Variants in ADAM10 observed in about 807,000 individuals in gnomAD.
ADAM10 encodes the protein disintegrin and metalloproteinase domain-containing protein 10.
In ADAM10, 17 loss-of-function variants were observed where a neutral mutation model predicts 90.1. The ratio of observed to expected loss-of-function variants is 0.19; its 90% CI spans 0.13 to 0.28. The LOEUF (loss-of-function observed/expected upper bound fraction) is 0.28. Among genes scored for constraint, ADAM10 ranks in the 10% least tolerant of loss-of-function variants. The pLI is 1.00. For missense variants in ADAM10, 610 were observed against 914.3 expected (o/e 0.67, Z 4.29); for synonymous variants, 310 against 298.6 (o/e 1.04, Z -0.40).
chr15:58,710,732 G>A (rs1898447289), intron 2 of ADAM10, among the ~76,000 whole-genome samples: 1 of 152,016 alleles, frequency 6.6e-6, no homozygotes, highest in African/African-American at 2.4e-5. Context: ...TTAAATTTTT[G>A]TTTTTAAACA....
At chr15:58,620,987 G>T (rs1352123863) in intron 11 of ADAM10, among the ~76,000 whole-genome samples, 2 of 151,724 alleles carry the variant, frequency 1.3e-5, no homozygotes, top group Non-Finnish European at 2.9e-5. Flanking sequence ...TATTTTTTAG[G>T]ATTCTTTTTA....
chr15:58,716,310 C>T (rs1425450614), intron 2 of ADAM10, among the ~76,000 whole-genome samples: 7 of 151,982 alleles, frequency 4.6e-5, no homozygotes, highest in Non-Finnish European at 7.4e-5. Flanking sequence ...ACAGAAAACA[C>T]GGTTATGGAA....
intron 2 of ADAM10, among the ~76,000 whole-genome samples, chr15:58,697,669 C>A (rs143323329): frequency 6.6e-6 from 1 of 152,116 alleles, no homozygotes; most frequent in African/African-American, 2.4e-5. Flanking sequence ...ATGCCACATA[C>A]GCTGCCCAGG....
chr15:58,614,546 A>C (rs540702627), intron 11 of ADAM10, among the ~76,000 whole-genome samples: 2 of 152,312 alleles, frequency 1.3e-5, no homozygotes, highest in East Asian at 3.9e-4. Flanking sequence ...CTGAAAGAAA[A>C]AACAAATTGG....
At chr15:58,681,368 A>T (rs1897435980) in intron 3 of ADAM10, among the ~76,000 whole-genome samples, 1 of 152,238 alleles carries the variant, frequency 6.6e-6, no homozygotes, top group South Asian at 2.1e-4. Context: ...AGAAAGTTTA[A>T]GTATAGAAAT....
At chr15:58,610,020 C>A in intron 14 of ADAM10, 1 of 400,442 alleles carries the variant, frequency 2.5e-6, no homozygotes, top group Non-Finnish European at 4.5e-6. Context: ...TAATAATATG[C>A]ACCAAAAGAA....
At chr15:58,604,318 G>A (rs1007032170) in intron 14 of ADAM10, among the ~76,000 whole-genome samples, 4 of 152,122 alleles carry the variant, frequency 2.6e-5, no homozygotes, top group Admixed American at 6.5e-5. Context: ...CCGAGATTAC[G>A]CCACTGCACT....
intron 2 of ADAM10, chr15:58,691,722 C>T (rs547392378): frequency 1.2e-5 from 4 of 328,374 alleles, no homozygotes; most frequent in East Asian, 8.0e-5. Context: ...CTTCTTCTGT[C>T]GCCCAGGCTT....
chr15:58,631,117 C>A (rs746566284), intron 9 of ADAM10, among the ~76,000 whole-genome samples: 10 of 152,162 alleles, frequency 6.6e-5, no homozygotes, highest in Non-Finnish European at 1.5e-4. Context: ...ACCTGTTGCC[C>A]TCCATCATAA....
chr15:58,675,861 C>T (rs1897293865), intron 4 of ADAM10, among the ~76,000 whole-genome samples: 1 of 152,066 alleles, frequency 6.6e-6, no homozygotes, highest in Non-Finnish European at 1.5e-5. Flanking sequence ...AAGGTATATC[C>T]AAGGTTAGTA....
chr15:58,694,381 G>A (rs1897915029), intron 2 of ADAM10, among the ~76,000 whole-genome samples: 1 of 151,926 alleles, frequency 6.6e-6, no homozygotes, highest in Non-Finnish European at 1.5e-5. Context: ...AACCCAGGAG[G>A]AGGAGGTTGC....
At chr15:58,717,409 C>A (rs1419984903) in intron 2 of ADAM10, among the ~76,000 whole-genome samples, 168 bp downstream of exon 2, 3 of 152,054 alleles carry the variant, frequency 2.0e-5, no homozygotes, top group Non-Finnish European at 4.4e-5. Flanking sequence ...AAGGGCAATC[C>A]ATTTTAAAAT....
chr15:58,601,924 G>A (rs905201567), intron 14 of ADAM10, among the ~76,000 whole-genome samples: 17 of 152,120 alleles, frequency 1.1e-4, no homozygotes, highest in African/African-American at 3.9e-4. Context: ...CTGTGTTCTC[G>A]CTGCATCCTA....
chr15:58,686,430 C>T (rs1240536999), intron 2 of ADAM10: 10 of 1,343,758 alleles, frequency 7.4e-6, no homozygotes, highest in Middle Eastern at 1.8e-4. Context: ...GGGGCTAGCG[C>T]GAGCGCCCTG....
chr15:58,608,546 T>C (rs959387660), intron 14 of ADAM10, among the ~76,000 whole-genome samples: 20 of 152,214 alleles, frequency 1.3e-4, no homozygotes, highest in African/African-American at 4.8e-4. Flanking sequence ...GACTGGCATA[T>C]GCCTGTCAAC....
At position 58,597,101 on chromosome 15, in the gene ADAM10, A is replaced by C; in HGVS notation, c.*446T>G. ...TAAGAAATACATGTCTGCATATAAC[A>C]AGGTATGTACATTGGCAAGTGATGT... On this transcript the variant is annotated 3_prime_UTR_variant, in exon 16 of 16. Coordinates refer to ENST00000260408, the MANE Select transcript of ADAM10 (RefSeq NM_001110.4). The C allele has an allele frequency of 3.0e-6, 1 of 329,528 alleles. No homozygotes were observed. The allele number at this position is 329,528 out of a possible 1,614,324, so 20.4% of individuals were successfully genotyped here.
At chr15:58,714,605 C>T (rs1314000330) in intron 2 of ADAM10, among the ~76,000 whole-genome samples, 1 of 151,908 alleles carries the variant, frequency 6.6e-6, no homozygotes, top group African/African-American at 2.4e-5. Flanking sequence ...CAAGATAGTA[C>T]ACATCTTATA....
At chr15:58,718,077 G>C (rs1007122077) in intron 1 of ADAM10, among the ~76,000 whole-genome samples, 1 of 151,966 alleles carries the variant, frequency 6.6e-6, no homozygotes, top group Non-Finnish European at 1.5e-5. Context: ...TGGAAGGACT[G>C]CTTGAGGCCA....
chr15:58,655,077 T>C lies in ADAM10; in HGVS notation c.586-8873A>G, dbSNP rs140452792. Among the ~76,000 whole-genome samples the C allele has an allele frequency of 4.9e-3, 750 of 152,192 alleles. 1 individual carries two copies. Among genetic ancestry groups the C allele is most frequent in the Middle Eastern group, 0.031 (9 of 294 alleles). ...TTTTCTGTCTGGAAGGTCTATCCATTGCTGAAAGTGGGGTATTGAAGTCTC... is the reference window on the plus strand; with the variant it reads ...TTTTCTGTCTGGAAGGTCTATCCATCGCTGAAAGTGGGGTATTGAAGTCTC... On this transcript the variant is annotated intron_variant, in intron 5 of 15. Coordinates refer to ENST00000260408, the MANE Select transcript of ADAM10 (RefSeq NM_001110.4).
Sources: allele counts gnomAD v4.1 joint callset (sites outside exome capture counted in the v4.1 genomes callset), GRCh38; gene constraint gnomAD v4.1.1; transcripts MANE v1.5; gene names NCBI Gene and HGNC (gene_info 2026-07-23, HGNC 2026-07-21).